TTN: variants seen among roughly 807,000 people sequenced by gnomAD.
The protein encoded by TTN is connectin.
In TTN, 1,525 loss-of-function variants were observed where a neutral mutation model predicts 3,223.0. The observed-to-expected ratio is 0.47, with a 90% CI of 0.45 to 0.49. TTN has a LOEUF of 0.49. Ranked by LOEUF, TTN falls within the 20% of genes least tolerant of loss-of-function variation. The pLI, the probability that TTN is intolerant of heterozygous loss-of-function variation, is 0.00. For synonymous variants in TTN, 14,094 were observed against 15,161.0 expected (o/e 0.93, Z 5.17); for missense variants, 40,786 against 43,424.0 (o/e 0.94, Z 5.40).
intron 308 of TTN, 78 bp downstream of exon 308, chr2:178,586,427 A>C (rs2048999571): frequency 5.2e-6 from 8 of 1,530,616 alleles, no homozygotes; most frequent in Non-Finnish European, 7.1e-6. Context: ...TAGATTCCTC[A>C]GGGAGAAATG....
intron 47 of TTN, chr2:178,745,690 G>C (rs776469345): frequency 6.2e-6 from 10 of 1,611,788 alleles, no homozygotes; most frequent in Non-Finnish European, 8.5e-6. Context: ...TTATAAACAG[G>C]TTATGGAACC....
At chr2:178,630,672 CTCTT>C in intron 238 of TTN, 128 bp downstream of exon 238, 1 of 1,346,416 alleles carries the variant, frequency 7.4e-7, no homozygotes, top group Non-Finnish European at 1.0e-6. Flanking sequence ...CCTGACATCT[CTCTT>C]TGGCTTAGGG....
chr2:178,750,366 C>T, intron 47 of TTN: 1 of 1,613,044 alleles, frequency 6.2e-7, no homozygotes, highest in Non-Finnish European at 8.5e-7. Flanking sequence ...GTAATAGAAC[C>T]TTCATTCTGA....
Position 178,724,302 on chromosome 2 carries a change from T to A in TTN, c.21073A>T (p.Asn7025Tyr). ...AGTYTFQVQN[N>Y]VGKSSCTAVV... ...GCTGTGCAGCTGCTTTTCCCAACAT[T>A]ATTTTGAACCTGGAAAGTGTATGTG... is the stretch of plus-strand genomic sequence containing the variant. Residue 7025 changes from asparagine (N) to tyrosine (Y), a missense_variant, in exon 72 of 363, where the codon AAT becomes TAT. Physicochemically the swap from Asn to Tyr is moderately radical, Grantham distance 143. Coordinates refer to ENST00000589042, the MANE Select transcript of TTN (RefSeq NM_001267550.2). 1 of 1,613,438 alleles carries A rather than the reference T, an allele frequency of 6.2e-7. No homozygotes were observed. Among genetic ancestry groups the A allele is most frequent in the Non-Finnish European group, 8.5e-7 (1 of 1,179,598 alleles).
chr2:178,736,888 A>G (rs1257155371), intron 49 of TTN, among the ~76,000 whole-genome samples: 1 of 152,200 alleles, frequency 6.6e-6, no homozygotes, highest in Non-Finnish European at 1.5e-5. Flanking sequence ...ATTGTAGAGA[A>G]GAGGAAGCTA....
chr2:178,599,232 T>A lies in TTN; in HGVS notation c.56561A>T (p.Glu18854Val). 1.3e-6 allele frequency: 2 copies of A among 1,547,232 alleles called. No homozygotes were observed. Among genetic ancestry groups the A allele is most frequent in the South Asian group, 1.3e-5 (1 of 76,536 alleles). ...CTGGGCCATGATTCGGAATACATATTCATGGCCTTCTAGCAATTTGGGAAT... is the reference window on the plus strand; with the variant it reads ...CTGGGCCATGATTCGGAATACATATACATGGCCTTCTAGCAATTTGGGAAT... Reference protein sequence around the residue: ...YTIPKLLEGHEYVFRIMAQNK... With the variant: ...YTIPKLLEGHVYVFRIMAQNK... The change falls in exon 290 of 363, where the codon GAA becomes GTA. Residue 18854 changes from glutamate to valine, a missense_variant. Physicochemically the swap from Glu to Val is moderately radical, Grantham distance 121. Coordinates refer to ENST00000589042, the MANE Select transcript of TTN (RefSeq NM_001267550.2).
rs397517503 is a variant in TTN, at chr2:178,720,906, C to A, written c.23098+15G>T. ...AGAGGAGAATAAAGAAACAAAGAAG[C>A]TTAGTGTGTCTAACCTTTCACTGTC... On this transcript the variant is annotated intron_variant, in intron 79 of 362. Transcript: ENST00000589042. 6.4e-7 allele frequency: 1 copy of A among 1,563,818 alleles called. No individual in the cohort carries two copies. The highest frequency in any genetic ancestry group is 8.7e-7 in the Non-Finnish European group (1 of 1,152,036).
At position 178,582,090 on chromosome 2, in the gene TTN, T is replaced by G; in HGVS notation, c.66279A>C (p.Glu22093Asp). ...AGTTAACAGCCTGGGTTTCCCGCTT[T>G]TCAAGCAAATAGCCAGTGATGGGTG... ...GGSPITGYLL[E>D]KRETQAVNWT... Residue 22093 changes from glutamate to aspartate, a missense_variant, in exon 315 of 363, where the codon GAA becomes GAC. Physicochemically the swap from Glu to Asp is conservative, Grantham distance 45. Coordinates refer to ENST00000589042, the MANE Select transcript of TTN (RefSeq NM_001267550.2). 6.2e-7 allele frequency: 1 copy of G among 1,613,196 alleles called. No individual in the cohort carries two copies. The highest frequency in any genetic ancestry group is 8.5e-7 in the Non-Finnish European group (1 of 1,179,522).
In TTN at chr2:178,591,465, C is replaced by T; in HGVS notation, c.60260G>A (p.Gly20087Asp). The T allele has an allele frequency of 6.3e-7, 1 of 1,587,816 alleles. No homozygotes were observed. The highest frequency in any genetic ancestry group is 8.5e-7 in the Non-Finnish European group (1 of 1,171,138). Residue 20087 changes from glycine (G) to aspartate (D), a missense_variant, in exon 304 of 363, where the codon GGT becomes GAT. Physicochemically the swap from Gly to Asp is moderately conservative, Grantham distance 94 (BLOSUM62 -1). Transcript: ENST00000589042. ...TGTGGTTCCAGCCTTTACCACAAGACCTTCAATTAATTTCACATCTAGCTC... is the reference window on the plus strand; with the variant it reads ...TGTGGTTCCAGCCTTTACCACAAGATCTTCAATTAATTTCACATCTAGCTC... The part of the protein sequence containing the change: ...SVELDVKLIE[G>D]LVVKAGTTVR...
chr2:178,682,691 T>C lies in TTN; in HGVS notation c.33094+6A>G. The C allele has an allele frequency of 6.2e-7, 1 of 1,606,600 alleles. No homozygotes were observed. The highest frequency in any genetic ancestry group is 8.5e-7 in the Non-Finnish European group (1 of 1,177,372). On this transcript the variant is annotated splice_donor_region_variant and intron_variant, in intron 135 of 362. Coordinates refer to ENST00000589042, the MANE Select transcript of TTN (RefSeq NM_001267550.2). Reference sequence around the variant, plus strand: ...TGTGGTTTTGAGTTTGCAGTTTTGCTCATACCTGTGATGTATTCTTCATGC... The same window carrying C: ...TGTGGTTTTGAGTTTGCAGTTTTGCCCATACCTGTGATGTATTCTTCATGC...
intron 209 of TTN, 73 bp downstream of exon 209, chr2:178,650,678 A>G: frequency 3.7e-6 from 5 of 1,335,254 alleles, no homozygotes; most frequent in Non-Finnish European, 5.1e-6. Flanking sequence ...TGAGTTAGGA[A>G]GGAAGAAGAA....
intron 167 of TTN, 25 bp from the exon 168 acceptor site, chr2:178,664,562 A>C: frequency 4.4e-6 from 7 of 1,606,626 alleles, no homozygotes; most frequent in Non-Finnish European, 6.0e-6. Flanking sequence ...ATAATTTTAC[A>C]TTTAGAAGTT....
Position 178,535,091 on chromosome 2 carries a change from T to C in TTN, c.101524A>G (p.Lys33842Glu), listed in dbSNP as rs2154136431. 6.2e-7 allele frequency: 1 copy of C among 1,613,868 alleles called. No homozygotes were observed. The highest frequency in any genetic ancestry group is 8.5e-7 in the Non-Finnish European group (1 of 1,179,844). Residue 33842 changes from lysine to glutamate, a missense_variant, in exon 358 of 363, where the codon AAG becomes GAG. By Grantham distance (56) the Lys-to-Glu change is moderately conservative. Transcript: ENST00000589042. ...ACAAATTTGGCCATGTATGTCTTCTTTGAGGATGTTTCAACACAACGATGG... is the reference window on the plus strand; with the variant it reads ...ACAAATTTGGCCATGTATGTCTTCTCTGAGGATGTTTCAACACAACGATGG... ...IVHRCVETSSKKTYMAKFVKV... is the reference protein window; with the variant it reads ...IVHRCVETSSEKTYMAKFVKV...
In TTN at chr2:178,613,215, C is replaced by T; in HGVS notation, c.49594G>A (p.Gly16532Arg). The change falls in exon 264 of 363, where the codon GGA (glycine) becomes AGA (arginine). Residue 16532 changes from glycine to arginine, a missense_variant. Transcript: ENST00000589042. Reference sequence around the variant, plus strand: ...GTTGATTTGCTTGGTTTTCCAGGTCCAGCAAGATTTTCAGCCAACACACGG... The same window carrying T: ...GTTGATTTGCTTGGTTTTCCAGGTCTAGCAAGATTTTCAGCCAACACACGG... ...RFRVLAENLAGPGKPSKSTEP... is the reference protein window; with the variant it reads ...RFRVLAENLARPGKPSKSTEP... 2 of 1,611,610 alleles carry T rather than the reference C, an allele frequency of 1.2e-6. No homozygotes were observed. The highest frequency in any genetic ancestry group is 1.7e-6 in the Non-Finnish European group (2 of 1,178,898).
At position 178,654,171 on chromosome 2, in the gene TTN, A is replaced by G. The variant is rs777459948; in HGVS notation, c.38380+37T>C. On this transcript the variant is annotated intron_variant, in intron 193 of 362. Transcript: ENST00000589042. ...TACAGTGATTGTGAGGGGTACAGACAGTAAGTTATTCTTAGCAGAGGAGAG... is the reference window on the plus strand; with the variant it reads ...TACAGTGATTGTGAGGGGTACAGACGGTAAGTTATTCTTAGCAGAGGAGAG... 3.2e-5 allele frequency: 51 copies of G among 1,585,302 alleles called. 4 individuals are homozygous for G. The highest frequency in any genetic ancestry group is 2.6e-4 in the South Asian group (23 of 87,462).
At position 178,632,180 on chromosome 2, in the gene TTN, C is replaced by A; in HGVS notation, c.43714G>T (p.Gly14572Trp). ...DTSQIRVEAMGMSSEAKLTVL... is the reference protein window; with the variant it reads ...DTSQIRVEAMWMSSEAKLTVL... ...GTGAGTTTAGCTTCTGAACTCATCC[C>A]CATAGCTTCTACTCTAATTTGGGAG... The change falls in exon 236 of 363, where the codon GGG (glycine) becomes TGG (tryptophan). Residue 14572 changes from glycine (G) to tryptophan (W), a missense_variant. Transcript: ENST00000589042. 6.2e-7 allele frequency: 1 copy of A among 1,608,442 alleles called. No individual in the cohort carries two copies.
intron 47 of TTN, chr2:178,748,821 TAGA>T (rs746758862): frequency 6.2e-7 from 1 of 1,612,004 alleles, no homozygotes; most frequent in South Asian, 1.1e-5. Context: ...ATTGCAATGT[TAGA>T]TGAATCTGAT....
chr2:178,753,200 A>T lies in TTN; in HGVS notation c.11255-20T>A, dbSNP rs771343426. 5.0e-6 allele frequency: 8 copies of T among 1,588,610 alleles called. No homozygotes were observed. Among genetic ancestry groups the T allele is most frequent in the African/African-American group, 1.3e-5 (1 of 74,340 alleles). On this transcript the variant is annotated intron_variant, in intron 46 of 362. Transcript: ENST00000589042. Reference sequence around the variant, plus strand: ...CAGGAGCTAAAATAGAAAAACATATAAAGAGATTTTAGTGATTAATTGCAT... The same window carrying T: ...CAGGAGCTAAAATAGAAAAACATATTAAGAGATTTTAGTGATTAATTGCAT...
At chr2:178,720,762 T>C in intron 79 of TTN, 99 bp from the exon 80 acceptor site, 2 of 1,383,904 alleles carry the variant, frequency 1.4e-6, no homozygotes, top group Non-Finnish European at 1.9e-6. Context: ...TGTGATCATA[T>C]GACAATACAT....
Sources: gnomAD v4.1 joint callset for allele counts (sites outside exome capture counted in the v4.1 genomes callset) on GRCh38, gnomAD v4.1.1 for gene constraint, MANE v1.5 for transcripts, NCBI Gene and HGNC (gene_info 2026-07-23, HGNC 2026-07-21) for gene names.